Variants in FUCA2 observed in about 807,000 individuals in gnomAD.
FUCA2 encodes the protein alpha-L-fucosidase 2, also known as plasma alpha-L-fucosidase.
FUCA2 carries 41 observed loss-of-function variants against 52.6 expected under a neutral mutation model. The observed-to-expected ratio is 0.78, with a 90% CI of 0.61 to 1.01. FUCA2 has a LOEUF of 1.01. Ranked by LOEUF, FUCA2 falls within the 50% of genes least tolerant of loss-of-function variation. The pLI, the probability that FUCA2 is intolerant of heterozygous loss-of-function variation, is 0.00. For missense variants in FUCA2, 507 were observed against 569.5 expected (o/e 0.89, Z 1.12); for synonymous variants, 211 against 217.3 (o/e 0.97, Z 0.26).
chr6:143,511,511 C>A lies in FUCA2; in HGVS notation c.124G>T (p.Asp42Tyr). Residue 42 changes from aspartate to tyrosine, a missense_variant, in exon 1 of 7, where the codon GAC becomes TAC. Physicochemically the swap from Asp to Tyr is radical, Grantham distance 160 (BLOSUM62 -3). Transcript: ENST00000002165. This position sits in a 1 kb window ranked among gnomAD's most constrained non-coding sequence, Gnocchi z 6.3. ...AACCACGCGGGCAGCTGGCGGGCGT[C>A]CAGGGACTCCCAGGTGGGGTCGAAG... ...TRFDPTWESL[D>Y]ARQLPAWFDQ... 2 of 1,594,000 alleles carry A rather than the reference C, an allele frequency of 1.3e-6. No individual in the cohort carries two copies. Among genetic ancestry groups the A allele is most frequent in the Non-Finnish European group, 1.7e-6 (2 of 1,170,620 alleles).
At position 143,502,115 on chromosome 6, in the gene FUCA2, A is replaced by T. The variant is rs768350718; in HGVS notation, c.971T>A (p.Val324Glu). The T allele has an allele frequency of 1.3e-6, 2 of 1,591,896 alleles. No individual in the cohort carries two copies. The highest frequency in any genetic ancestry group is 1.4e-5 in the African/African-American group (1 of 73,564). Residue 324 changes from valine to glutamate, a missense_variant, in exon 5 of 7, where the codon GTA (valine) becomes GAA (glutamate). Transcript: ENST00000002165. The surrounding 1 kb of genome is among the most constrained non-coding windows in gnomAD (Gnocchi z 4.1). ...LTIEELVKQL[V>E]ETVSCGGNLL... Reference sequence around the variant, plus strand: ...ATTTCCTCCACATGAAACTGTCTCTACAAGTTGCTAAAAAATTAAGAATAA... The same window carrying T: ...ATTTCCTCCACATGAAACTGTCTCTTCAAGTTGCTAAAAAATTAAGAATAA...
chr6:143,503,959 G>A lies in FUCA2; in HGVS notation c.706C>T (p.Gln236Ter). The change falls in exon 3 of 7, where the codon CAA (glutamine) becomes TAA (stop). Residue 236 changes from glutamine (Q) to a stop codon, truncating the protein, a stop_gained. Coordinates refer to ENST00000002165, the MANE Select transcript of FUCA2 (RefSeq NM_032020.5). LOFTEE classifies it high-confidence loss of function. The surrounding 1 kb of genome is among the most constrained non-coding windows in gnomAD (Gnocchi z 4.8). ...AAGAAGCCTGTGCTGTTCCAGTATT[G>A]ATCCGGTGCTCCTCCGTCACCATCC... Reference protein sequence around the residue: ...WSDGDGGAPDQYWNSTGFLAW... With the variant: ...WSDGDGGAPD 4 of 1,614,118 alleles carry A rather than the reference G, an allele frequency of 2.5e-6. No homozygotes were observed. Among genetic ancestry groups the A allele is most frequent in the Non-Finnish European group, 3.4e-6 (4 of 1,180,010 alleles).
Position 143,502,213 on chromosome 6 carries a change from A to G in FUCA2, c.964-91T>C. ...TGCATTTATATATTTATACATGTAT[A>G]TATAGTCACTGCCTAGAAGAACAAA... On this transcript the variant is annotated intron_variant, in intron 4 of 6. Transcript: ENST00000002165. This position sits in a 1 kb window ranked among gnomAD's most constrained non-coding sequence, Gnocchi z 4.1. 7.6e-7 allele frequency: 1 copy of G among 1,308,020 alleles called. No homozygotes were observed. The highest frequency in any genetic ancestry group is 1.1e-6 in the Non-Finnish European group (1 of 945,924). The allele number at this position is 1,308,020 out of a possible 1,614,324, so 81.0% of individuals were successfully genotyped here. A position where few individuals can be genotyped will look rare whatever the true frequency, so the allele number is the denominator to read the frequency against.
rs142536459 is a variant in FUCA2 at position 143,510,425 on chromosome 6, C to G, written c.224+986G>C. 0.021 allele frequency among the ~76,000 whole-genome samples: 3,202 copies of G among 152,182 alleles called. 111 individuals are homozygous for G. The highest frequency in any genetic ancestry group is 0.074 in the African/African-American group (3,053 of 41,498). Reference sequence around the variant, plus strand: ...TGAGCCACCGCGGATCACCTGAGGTCAGGAGTTCAAGACCAGCCTGGCTAA... The same window carrying G: ...TGAGCCACCGCGGATCACCTGAGGTGAGGAGTTCAAGACCAGCCTGGCTAA... On this transcript the variant is annotated intron_variant, in intron 1 of 6. Transcript: ENST00000002165. This position sits in a 1 kb window ranked among gnomAD's most constrained non-coding sequence, Gnocchi z 4.4.
chr6:143,511,650 G>C lies in FUCA2; in HGVS notation c.-16C>G. 1 of 1,492,086 alleles carries C rather than the reference G, an allele frequency of 6.7e-7. No individual in the cohort carries two copies. The allele number at this position is 1,492,086 out of a possible 1,614,324, so 92.4% of individuals were successfully genotyped here. ...GGGGCCGCATGTCCCGGCGCAGGCCGGCTGTCCTCTCTGCAGGCTCCCGCG... is the reference window on the plus strand; with the variant it reads ...GGGGCCGCATGTCCCGGCGCAGGCCCGCTGTCCTCTCTGCAGGCTCCCGCG... On this transcript the variant is annotated 5_prime_UTR_variant, in exon 1 of 7. Transcript: ENST00000002165. The surrounding 1 kb of genome is among the most constrained non-coding windows in gnomAD (Gnocchi z 6.3).
Position 143,507,455 on chromosome 6 carries a change from C to T in FUCA2, c.225-31G>A, listed in dbSNP as rs764501450. The T allele has an allele frequency of 2.7e-6, 4 of 1,486,550 alleles. No individual in the cohort carries two copies. The African/African-American group carries it at 5.7e-5, about 21-fold the overall frequency. 92.1% of individuals were successfully genotyped at this position (1,486,550 alleles called of 1,614,324 possible). A position where few individuals can be genotyped will look rare whatever the true frequency, so the allele number is the denominator to read the frequency against. On this transcript the variant is annotated intron_variant, in intron 1 of 6. Transcript: ENST00000002165. The surrounding 1 kb of genome is among the most constrained non-coding windows in gnomAD (Gnocchi z 4.5). Reference sequence around the variant, plus strand: ...GGGAGGAAAGGAAAGAGTGCATAAACAGCACATACACACATATTTAAAAGA... The same window carrying T: ...GGGAGGAAAGGAAAGAGTGCATAAATAGCACATACACACATATTTAAAAGA...
At position 143,504,028 on chromosome 6, in the gene FUCA2, G is replaced by T; in HGVS notation, c.637C>A (p.Leu213Ile). Reference sequence around the variant, plus strand: ...TGATAGTTGTTCACTAACTCATAGAGCTCTGGCAATGTCTTAGAAACTGGA... The same window carrying T: ...TGATAGTTGTTCACTAACTCATAGATCTCTGGCAATGTCTTAGAAACTGGA... ...QFPVSKTLPE[L>I]YELVNNYQPE... Residue 213 changes from leucine (L) to isoleucine (I), a missense_variant, in exon 3 of 7, where the codon CTC becomes ATC. Coordinates refer to ENST00000002165, the MANE Select transcript of FUCA2 (RefSeq NM_032020.5). The surrounding 1 kb of genome is among the most constrained non-coding windows in gnomAD (Gnocchi z 4.4). The T allele has an allele frequency of 6.2e-7, 1 of 1,614,124 alleles. No homozygotes were observed. Among genetic ancestry groups the T allele is most frequent in the Non-Finnish European group, 8.5e-7 (1 of 1,180,008 alleles).
chr6:143,511,695 TC>T lies in FUCA2; in HGVS notation c.-62del. The T allele has an allele frequency of 7.2e-7, 1 of 1,384,938 alleles. No individual in the cohort carries two copies. Among genetic ancestry groups the T allele is most frequent in the Non-Finnish European group, 9.5e-7 (1 of 1,056,206 alleles). 85.8% of individuals were successfully genotyped at this position (1,384,938 alleles called of 1,614,324 possible). A position where few individuals can be genotyped will look rare whatever the true frequency, so the allele number is the denominator to read the frequency against. On this transcript the variant is annotated 5_prime_UTR_variant, in exon 1 of 7. Coordinates refer to ENST00000002165, the MANE Select transcript of FUCA2 (RefSeq NM_032020.5). The surrounding 1 kb of genome is among the most constrained non-coding windows in gnomAD (Gnocchi z 6.3). ...CCCGCGGCCTCGGGAGCGCTGTTCT[TC>T]CGTCTCTGCCGCTGAGTATGCCGCG...
Position 143,511,449 on chromosome 6 carries a change from T to A in FUCA2, c.186A>T (p.Gly62=). The change falls in exon 1 of 7, where the codon GGA becomes GGT. Residue 62 remains glycine (G), a synonymous_variant. Transcript: ENST00000002165. This position sits in a 1 kb window ranked among gnomAD's most constrained non-coding sequence, Gnocchi z 6.3. ...QAKFGIFIHW[G]VFSVPSFGSE... ...TACCGAAGCTGGGCACGGAAAACAC[T>A]CCCCAGTGGATGAAGATGCCGAACT... The A allele has an allele frequency of 1.2e-6, 2 of 1,611,480 alleles. No individual in the cohort carries two copies. The highest frequency in any genetic ancestry group is 1.3e-5 in the African/African-American group (1 of 74,930).
At chr6:143,498,651 G>A (rs1780494682) in intron 5 of FUCA2, among the ~76,000 whole-genome samples, 2 of 152,264 alleles carry the variant, frequency 1.3e-5, no homozygotes, top group Admixed American at 6.5e-5. Flanking sequence ...GATCAGAGAG[G>A]CGATAGGAGC....
rs966309463 is a variant in FUCA2, at chr6:143,507,826, C to T, written c.225-402G>A. Among the ~76,000 whole-genome samples, 4 of 151,516 alleles carry T rather than the reference C, an allele frequency of 2.6e-5. No individual in the cohort carries two copies. The highest frequency in any genetic ancestry group is 5.9e-5 in the Non-Finnish European group (4 of 68,008). On this transcript the variant is annotated intron_variant, in intron 1 of 6. Coordinates refer to ENST00000002165, the MANE Select transcript of FUCA2 (RefSeq NM_032020.5). The surrounding 1 kb of genome is among the most constrained non-coding windows in gnomAD (Gnocchi z 4.5). ...CTAGGACCACAGGCACGTGCCACCA[C>T]ACCTGGCTATTTTTTTTTTCTTTGT...
At chr6:143,496,426 C>T (rs1026506582) in intron 6 of FUCA2, 4 of 152,084 alleles carry the variant, frequency 2.6e-5, no homozygotes, top group African/African-American at 9.7e-5. Context: ...CCAAAAAGAA[C>T]ATAGATAAAA....
At position 143,502,579 on chromosome 6, in the gene FUCA2, T is replaced by C. The variant is rs368459684; in HGVS notation, c.753-14A>G. 1.6e-5 allele frequency: 25 copies of C among 1,597,804 alleles called. No homozygotes were observed. The African/African-American group carries it at 3.4e-4, about 22-fold the overall frequency. ...CCCCGAACTGGGCTGAAATGAAACA[T>C]ACAATTTTTTAAAACAAAAGGTATA... On this transcript the variant is annotated splice_polypyrimidine_tract_variant and intron_variant, in intron 3 of 6. Transcript: ENST00000002165. This position sits in a 1 kb window ranked among gnomAD's most constrained non-coding sequence, Gnocchi z 4.1.
chr6:143,506,106 C>A (rs1780602773), intron 2 of FUCA2: 1 of 151,856 alleles, frequency 6.6e-6, no homozygotes, highest in Non-Finnish European at 1.5e-5. Context: ...GGAAAAATAT[C>A]CTATGATCAT....
rs903061440 is a variant in FUCA2, at chr6:143,495,617, A to G, written c.*90T>C. The G allele has an allele frequency of 1.2e-5, 15 of 1,299,986 alleles. No homozygotes were observed. Among genetic ancestry groups the G allele is most frequent in the Middle Eastern group, 2.1e-4 (1 of 4,684 alleles). The allele number at this position is 1,299,986 out of a possible 1,614,324, so 80.5% of individuals were successfully genotyped here. On this transcript the variant is annotated 3_prime_UTR_variant, in exon 7 of 7. Transcript: ENST00000002165. This position sits in a 1 kb window ranked among gnomAD's most constrained non-coding sequence, Gnocchi z 5.2. Reference sequence around the variant, plus strand: ...CAAAATAATTTTCTTATCCAGTTTTACATTTGCTTTCTCCATGTGCTACAA... The same window carrying G: ...CAAAATAATTTTCTTATCCAGTTTTGCATTTGCTTTCTCCATGTGCTACAA...
In FUCA2 at chr6:143,511,351, G is replaced by T; in HGVS notation, c.224+60C>A. The T allele has an allele frequency of 6.8e-7, 1 of 1,475,920 alleles. No individual in the cohort carries two copies. 91.4% of individuals were successfully genotyped at this position (1,475,920 alleles called of 1,614,324 possible). On this transcript the variant is annotated intron_variant, in intron 1 of 6. Transcript: ENST00000002165. This position sits in a 1 kb window ranked among gnomAD's most constrained non-coding sequence, Gnocchi z 6.3. ...GGCGAACCAGGCCCGCTGGGTGGTG[G>T]CTGGAGGCTGCGGGTGGGGACAAAA...
In FUCA2 at chr6:143,502,281, A is replaced by G; in HGVS notation, c.963+74T>C. On this transcript the variant is annotated intron_variant, in intron 4 of 6. Transcript: ENST00000002165. This position sits in a 1 kb window ranked among gnomAD's most constrained non-coding sequence, Gnocchi z 4.1. ...TCCTATATTTATAGGCCATTGAGCC[A>G]TAGAAGAAATAATTCCTACATGACC... The G allele has an allele frequency of 1.4e-6, 2 of 1,466,788 alleles. No homozygotes were observed. Among genetic ancestry groups the G allele is most frequent in the Non-Finnish European group, 1.9e-6 (2 of 1,065,872 alleles). The allele number at this position is 1,466,788 out of a possible 1,614,324, so 90.9% of individuals were successfully genotyped here.
At position 143,497,629 on chromosome 6, in the gene FUCA2, A is replaced by T. The variant is rs1780476205; in HGVS notation, c.1155-132T>A. 1 of 565,134 alleles carries T rather than the reference A, an allele frequency of 1.8e-6. No homozygotes were observed. Among genetic ancestry groups the T allele is most frequent in the African/African-American group, 1.9e-5 (1 of 52,474 alleles). 35.0% of individuals were successfully genotyped at this position (565,134 alleles called of 1,614,324 possible). ...ATGTCACCACTAATAGAAGGGAAGG[A>T]AAAATAGCCTCATGGTGGTATAAAA... On this transcript the variant is annotated intron_variant, in intron 5 of 6. Transcript: ENST00000002165. The surrounding 1 kb of genome is among the most constrained non-coding windows in gnomAD (Gnocchi z 5.3).
rs3789789 is a variant in FUCA2, at chr6:143,502,622, G to T, written c.753-57C>A. 6 of 1,393,280 alleles carry T rather than the reference G, an allele frequency of 4.3e-6. No homozygotes were observed. Among genetic ancestry groups the T allele is most frequent in the East Asian group, 4.6e-5 (2 of 43,610 alleles). The allele number at this position is 1,393,280 out of a possible 1,614,324, so 86.3% of individuals were successfully genotyped here. A position where few individuals can be genotyped will look rare whatever the true frequency, so the allele number is the denominator to read the frequency against. On this transcript the variant is annotated intron_variant, in intron 3 of 6. Coordinates refer to ENST00000002165, the MANE Select transcript of FUCA2 (RefSeq NM_032020.5). This position sits in a 1 kb window ranked among gnomAD's most constrained non-coding sequence, Gnocchi z 4.1. Reference sequence around the variant, plus strand: ...AAGGTATAAGCTTTTTATACAAAAAGAAATGTCACTGAAAAGACATGTAAT... The same window carrying T: ...AAGGTATAAGCTTTTTATACAAAAATAAATGTCACTGAAAAGACATGTAAT...
Sources: allele counts gnomAD v4.1 joint callset (sites outside exome capture counted in the v4.1 genomes callset), GRCh38; gene constraint gnomAD v4.1.1; non-coding constraint Gnocchi (gnomAD v3.1); transcripts MANE v1.5; gene names NCBI Gene and HGNC (gene_info 2026-07-23, HGNC 2026-07-21).